The following GRIA3 variants were observed in gnomAD, a reference collection of about 807,000 sequenced individuals.
GRIA3 encodes glutamate receptor 3.
Under a neutral mutation model 63.0 loss-of-function variants are expected in GRIA3, and 3 were observed. The ratio of observed to expected loss-of-function variants is 0.05; its 90% CI spans 0.02 to 0.12. GRIA3 has a LOEUF of 0.12. Among genes scored for constraint, GRIA3 ranks in the 10% least tolerant of loss-of-function variants. GRIA3 has a pLI of 1.00. For missense variants in GRIA3, 347 were observed against 700.9 expected, an observed-to-expected ratio of 0.50 and a Z score of 5.70; for synonymous variants, 274 against 257.9, an observed-to-expected ratio of 1.06 and a Z score of -0.60.
intron 2 of GRIA3, among the ~76,000 whole-genome samples, chrX:123,218,671 T>C (rs1244610546): frequency 9.0e-6 from 1 of 111,547 alleles, no homozygotes; most frequent in Non-Finnish European, 1.9e-5. Flanking sequence ...TCAAATTACT[T>C]GTGCAAGTGG....
chrX:123,410,551 T>C (rs1047000460), intron 10 of GRIA3, among the ~76,000 whole-genome samples: 1 of 111,893 alleles, frequency 8.9e-6, no homozygotes, highest in Non-Finnish European at 1.9e-5. Context: ...AAATTATCTC[T>C]TAGGTCGTCA....
intron 2 of GRIA3, among the ~76,000 whole-genome samples, chrX:123,245,629 G>A (rs1217053363): frequency 1.8e-5 from 2 of 111,061 alleles, no homozygotes; most frequent in Non-Finnish European, 3.8e-5. Flanking sequence ...GAGTTTCAAG[G>A]GCTAAGATTT....
chrX:123,242,436 G>A (rs1018871753), intron 2 of GRIA3, among the ~76,000 whole-genome samples: 3 of 111,810 alleles, frequency 2.7e-5, no homozygotes, highest in Non-Finnish European at 3.8e-5. Context: ...TTTAAAAATT[G>A]TTTCATTGAC....
intron 12 of GRIA3, among the ~76,000 whole-genome samples, chrX:123,456,040 T>C (rs1386874448): frequency 8.9e-6 from 1 of 111,820 alleles, no homozygotes; most frequent in African/African-American, 3.3e-5. Context: ...GGGGGTAGAT[T>C]CATGGAAATG....
chrX:123,382,621 G>A (rs1324316613), intron 5 of GRIA3, among the ~76,000 whole-genome samples: 3 of 111,367 alleles, frequency 2.7e-5, no homozygotes, highest in Admixed American at 9.6e-5. Flanking sequence ...GAAGCTTCCT[G>A]GGAGCAAGGG....
At chrX:123,416,388 A>G (rs2045536796) in intron 10 of GRIA3, among the ~76,000 whole-genome samples, 1 of 112,279 alleles carries the variant, frequency 8.9e-6, no homozygotes, top group Admixed American at 9.4e-5. Flanking sequence ...CACTTCATAT[A>G]TGATATACCA....
chrX:123,405,037 A>G, intron 10 of GRIA3, 123 bp downstream of exon 10: 1 of 571,255 alleles, frequency 1.8e-6, no homozygotes, highest in Middle Eastern at 3.8e-4. Flanking sequence ...GTCTACAAGA[A>G]AAATATATTC....
chrX:123,247,367 C>T (rs1393269563), intron 2 of GRIA3, among the ~76,000 whole-genome samples: 2 of 111,526 alleles, frequency 1.8e-5, no homozygotes, highest in African/African-American at 3.3e-5. Flanking sequence ...ATACCCGTCT[C>T]GACCCTACAG....
chrX:123,453,848 T>C (rs932841772), intron 12 of GRIA3, among the ~76,000 whole-genome samples: 4 of 111,050 alleles, frequency 3.6e-5, no homozygotes, highest in Non-Finnish European at 7.6e-5. Flanking sequence ...GAAAGAGAGG[T>C]GGTACTACCC....
chrX:123,372,822 T>A (rs1355857883), intron 5 of GRIA3, among the ~76,000 whole-genome samples: 3 of 111,260 alleles, frequency 2.7e-5, no homozygotes, highest in African/African-American at 9.8e-5. Context: ...ACAAAGATAA[T>A]TTGGATAATT....
At chrX:123,479,559 T>C (rs753564294) in intron 13 of GRIA3, among the ~76,000 whole-genome samples, 52 of 112,313 alleles carry the variant, frequency 4.6e-4, no homozygotes, top group Non-Finnish European at 6.0e-4. Flanking sequence ...ATGTTATTTA[T>C]GTAGAATCTA....
intron 2 of GRIA3, among the ~76,000 whole-genome samples, chrX:123,221,496 A>G (rs747443582): frequency 4.5e-4 from 50 of 112,062 alleles, no homozygotes; most frequent in Non-Finnish European, 7.5e-4. Flanking sequence ...GCAACAAAGA[A>G]AGGAAGGCTG....
chrX:123,365,376 G>T (rs924136680), intron 5 of GRIA3, among the ~76,000 whole-genome samples: 2 of 111,942 alleles, frequency 1.8e-5, no homozygotes, highest in African/African-American at 6.5e-5. Context: ...AGAGAACAAA[G>T]ATACCAATGT....
At chrX:123,393,442 T>A (rs1360503623) in intron 5 of GRIA3, among the ~76,000 whole-genome samples, 1 of 112,336 alleles carries the variant, frequency 8.9e-6, no homozygotes, top group Non-Finnish European at 1.9e-5. Context: ...AGAGGAAACA[T>A]TAAAGAATGG....
rs1321613504 is a variant in GRIA3, at chrX:123,489,852, AT to A, written c.*1143del. 8.9e-6 allele frequency: 1 copy of A among 112,079 alleles called. No homozygotes were observed. Among genetic ancestry groups the A allele is most frequent in the Non-Finnish European group, 1.9e-5 (1 of 53,149 alleles). 9.2% of individuals were successfully genotyped at this position (112,079 alleles called of 1,213,427 possible). ...TACTAGCTGTTGCCTGCTACCGCCC[AT>A]GGCTCTCCATCGGACTGCATGTGTC... is the stretch of plus-strand genomic sequence containing the variant. On this transcript the variant is annotated 3_prime_UTR_variant, in exon 16 of 16. Coordinates refer to ENST00000620443, the MANE Select transcript of GRIA3 (RefSeq NM_007325.5).
At chrX:123,388,788 G>A (rs1473140625) in intron 5 of GRIA3, among the ~76,000 whole-genome samples, 1 of 111,477 alleles carries the variant, frequency 9.0e-6, no homozygotes, top group Non-Finnish European at 1.9e-5. Context: ...TGCTTTTCTA[G>A]TTCTTTGAGG....
intron 2 of GRIA3, among the ~76,000 whole-genome samples, chrX:123,208,662 T>C (rs1297163720): frequency 8.9e-6 from 1 of 112,239 alleles, no homozygotes; most frequent in Non-Finnish European, 1.9e-5. Context: ...ATTGAATCTC[T>C]GGGATATAAA....
intron 2 of GRIA3, among the ~76,000 whole-genome samples, chrX:123,235,825 A>T (rs757980325): frequency 6.3e-4 from 39 of 61,736 alleles, no homozygotes; most frequent in African/African-American, 2.6e-3. Flanking sequence ...CAGATACATT[A>T]AAAAAAAAAA....
chrX:123,216,253 C>G (rs559600580), intron 2 of GRIA3, among the ~76,000 whole-genome samples: 27 of 111,729 alleles, frequency 2.4e-4, no homozygotes, highest in South Asian at 1.5e-3. Flanking sequence ...TTTTCAAAAC[C>G]AATTTCCTAA....
Sources: gnomAD v4.1 joint callset for allele counts (sites outside exome capture counted in the v4.1 genomes callset) on GRCh38, gnomAD v4.1.1 for gene constraint, MANE v1.5 for transcripts, NCBI Gene and HGNC (gene_info 2026-07-23, HGNC 2026-07-21) for gene names.